The following HMCN1 variants were observed in gnomAD, a reference collection of about 807,000 sequenced individuals.
HMCN1 encodes the protein hemicentin 1.
In HMCN1, 321 loss-of-function variants were observed where a neutral mutation model predicts 625.9. The ratio of observed to expected loss-of-function variants is 0.51; its 90% CI spans 0.47 to 0.56. HMCN1 has a LOEUF of 0.56. HMCN1 is among the 20% of genes least tolerant of loss of function. HMCN1 has a pLI of 0.00. For synonymous variants in HMCN1, 2,425 were observed against 2,417.6 expected, an observed-to-expected ratio of 1.00 and a Z score of -0.09; for missense variants, 6,588 against 6,887.3, an observed-to-expected ratio of 0.96 and a Z score of 1.54.
chr1:185,900,108 C>A (rs1351046771), intron 4 of HMCN1, among the ~76,000 whole-genome samples: 1 of 151,882 alleles, frequency 6.6e-6, no homozygotes, highest in Non-Finnish European at 1.5e-5. Context: ...CTCCCTTTTC[C>A]AGGCATCTGG....
chr1:185,770,359 A>G (rs373828876), intron 1 of HMCN1, among the ~76,000 whole-genome samples: 1 of 152,210 alleles, frequency 6.6e-6, no homozygotes, highest in South Asian at 2.1e-4. Flanking sequence ...ATTGAAGACC[A>G]CAATTGGGTA....
intron 1 of HMCN1, among the ~76,000 whole-genome samples, chr1:185,796,349 G>T (rs1658372752): frequency 2.0e-5 from 3 of 152,060 alleles, no homozygotes; most frequent in Admixed American, 6.6e-5. Context: ...GACTGGTATG[G>T]GTCCATGGTC....
At chr1:185,946,579 GA>G (rs1668358641) in intron 11 of HMCN1, among the ~76,000 whole-genome samples, 1 of 152,156 alleles carries the variant, frequency 6.6e-6, no homozygotes, top group South Asian at 2.1e-4. Context: ...ATGCAGTAAA[GA>G]AAAGGCTGTG....
intron 1 of HMCN1, among the ~76,000 whole-genome samples, chr1:185,815,074 C>T (rs1281102775): frequency 2.0e-5 from 3 of 150,030 alleles, no homozygotes; most frequent in Non-Finnish European, 4.4e-5. Context: ...GAACAATGTC[C>T]GGTTAGACAA....
At chr1:185,856,607 T>A (rs981111892) in intron 2 of HMCN1, among the ~76,000 whole-genome samples, 1 of 152,014 alleles carries the variant, frequency 6.6e-6, no homozygotes, top group Non-Finnish European at 1.5e-5. Context: ...GTGTTCCCTG[T>A]GAAAAGGATG....
At chr1:186,073,480 G>A (rs1571309970) in intron 52 of HMCN1, among the ~76,000 whole-genome samples, 1 of 152,012 alleles carries the variant, frequency 6.6e-6, no homozygotes, top group East Asian at 1.9e-4. Context: ...TTTTGTTTTT[G>A]TTTTTTTAGG....
intron 43 of HMCN1, 84 bp from the exon 44 acceptor site, chr1:186,053,741 G>A (rs1387767421): frequency 2.1e-6 from 3 of 1,405,892 alleles, no homozygotes; most frequent in Non-Finnish European, 3.0e-6. Context: ...TACTTGAACT[G>A]AATAAACAAA....
At chr1:185,931,466 T>A (rs1049250271) in intron 10 of HMCN1, among the ~76,000 whole-genome samples, 3 of 152,196 alleles carry the variant, frequency 2.0e-5, no homozygotes, top group Non-Finnish European at 4.4e-5. Context: ...TCTTGAGGTA[T>A]TTAGGCAGTG....
At chr1:185,828,280 T>G (rs1190960809) in intron 1 of HMCN1, among the ~76,000 whole-genome samples, 1 of 152,064 alleles carries the variant, frequency 6.6e-6, no homozygotes, top group Non-Finnish European at 1.5e-5. Context: ...AGTGGAAGCA[T>G]AGTAAATACA....
intron 1 of HMCN1, among the ~76,000 whole-genome samples, chr1:185,803,188 C>CAAAAAAAAAAAAAAAAACA (rs1245942461): frequency 3.0e-5 from 1 of 33,814 alleles, no homozygotes; most frequent in African/African-American, 5.4e-5. Context: ...TTAGCAGAAC[C>CAAAAAAAAAAAAAAAAACA]AAAAAAAAAA....
intron 36 of HMCN1, among the ~76,000 whole-genome samples, chr1:186,029,022 G>C (rs1425798578): frequency 1.3e-5 from 2 of 151,962 alleles, no homozygotes; most frequent in Non-Finnish European, 2.9e-5. Context: ...GCGAGCCACT[G>C]TGCCTGGCCA....
chr1:185,916,088 A>AT (rs1666686153), intron 6 of HMCN1, among the ~76,000 whole-genome samples: 1 of 144,374 alleles, frequency 6.9e-6, no homozygotes, highest in African/African-American at 2.9e-5. Context: ...GTGTGTGTGT[A>AT]TTTAAGTAGA....
chr1:185,737,947 T>C (rs1653704811), intron 1 of HMCN1, among the ~76,000 whole-genome samples: 1 of 152,096 alleles, frequency 6.6e-6, no homozygotes, highest in Non-Finnish European at 1.5e-5. Flanking sequence ...GAAAATGAGA[T>C]AAGACCATTC....
intron 11 of HMCN1, among the ~76,000 whole-genome samples, chr1:185,942,190 C>CAAA (rs541622782): frequency 6.3e-3 from 335 of 53,084 alleles, no homozygotes; most frequent in Middle Eastern, 0.04. Context: ...GACTCCATCT[C>CAAA]AAAAAAAAAA....
At chr1:185,927,338 A>G (rs542271773) in intron 9 of HMCN1, among the ~76,000 whole-genome samples, 2 of 152,306 alleles carry the variant, frequency 1.3e-5, no homozygotes, top group East Asian at 3.9e-4. Context: ...TTACATGATC[A>G]GTGTGGTATG....
chr1:186,071,192 T>A (rs1301001955), intron 52 of HMCN1, among the ~76,000 whole-genome samples: 1 of 152,160 alleles, frequency 6.6e-6, no homozygotes, highest in African/African-American at 2.4e-5. Context: ...CGGGTTAGAA[T>A]GACAGGTATA....
At chr1:186,139,633 C>T (rs1414848175) in intron 89 of HMCN1, among the ~76,000 whole-genome samples, 1 of 146,620 alleles carries the variant, frequency 6.8e-6, no homozygotes, top group Non-Finnish European at 1.5e-5. Flanking sequence ...CTAGTTATTT[C>T]CCCCAGTCCC....
At chr1:186,164,445 A>G (rs1163494863) in intron 97 of HMCN1, among the ~76,000 whole-genome samples, 1 of 151,942 alleles carries the variant, frequency 6.6e-6, no homozygotes. Flanking sequence ...GGGTTTCACC[A>G]TGTTAGGCAG....
chr1:185,956,016 G>T (rs1432413537), intron 11 of HMCN1, among the ~76,000 whole-genome samples: 1 of 151,910 alleles, frequency 6.6e-6, no homozygotes, highest in Non-Finnish European at 1.5e-5. Flanking sequence ...TCTTTGTTCG[G>T]TTATCCTCTA....
Sources: allele counts gnomAD v4.1 joint callset (sites outside exome capture counted in the v4.1 genomes callset), GRCh38; gene constraint gnomAD v4.1.1; transcripts MANE v1.5; gene names NCBI Gene and HGNC (gene_info 2026-07-23, HGNC 2026-07-21).